Variants in RAD17 observed in about 807,000 individuals in gnomAD.
RAD17 encodes the protein RAD17 checkpoint clamp loader component, also known as cell cycle checkpoint protein RAD17.
A neutral mutation model predicts 81.5 loss-of-function variants in RAD17; 31 were observed. That is an observed-to-expected ratio of 0.38 (90% CI 0.29 to 0.51). RAD17 has a LOEUF of 0.51. RAD17 is among the 20% of genes least tolerant of loss of function. The probability of loss-of-function intolerance (pLI) is 0.88; values close to 1 mark genes in which losing one functional copy is unlikely to be tolerated. For synonymous variants in RAD17, 261 were observed against 266.2 expected (o/e 0.98, Z 0.19); for missense variants, 681 against 781.2 (o/e 0.87, Z 1.53).
chr5:69,386,570 A>G (rs1057183694), intron 11 of RAD17, 105 bp downstream of exon 11: 202 of 1,245,000 alleles, frequency 1.6e-4, no homozygotes, highest in Non-Finnish European at 2.0e-4. Flanking sequence ...TAGAATTAAA[A>G]CATTTTATTA....
chr5:69,377,706 T>A (rs1223048746), intron 6 of RAD17, among the ~76,000 whole-genome samples: 3 of 67,066 alleles, frequency 4.5e-5, no homozygotes, highest in Admixed American at 1.8e-4. Flanking sequence ...CATATATATA[T>A]GTATTGGGAA....
intron 6 of RAD17, 75 bp from the exon 7 acceptor site, chr5:69,381,826 G>A: frequency 1.9e-6 from 2 of 1,078,134 alleles, no homozygotes; most frequent in Non-Finnish European, 2.6e-6. Flanking sequence ...AATATATTTA[G>A]AATGAAAAGT....
At chr5:69,378,962 C>T (rs906756759) in intron 6 of RAD17, among the ~76,000 whole-genome samples, 3 of 152,154 alleles carry the variant, frequency 2.0e-5, no homozygotes, top group African/African-American at 7.2e-5. Flanking sequence ...AGTAAAAAGG[C>T]CGGGCTTGGT....
At chr5:69,393,961 C>T (rs1391953516) in intron 15 of RAD17, among the ~76,000 whole-genome samples, 5 of 124,438 alleles carry the variant, frequency 4.0e-5, no homozygotes, top group African/African-American at 1.5e-4. Flanking sequence ...AGCTATGTTA[C>T]CCAGTCTGGT....
intron 6 of RAD17, among the ~76,000 whole-genome samples, chr5:69,375,607 C>T (rs1479578828): frequency 7.8e-6 from 1 of 128,664 alleles, no homozygotes; most frequent in Non-Finnish European, 1.7e-5. Flanking sequence ...TTCAGTTAGA[C>T]TTTTAGATAC....
intron 17 of RAD17, among the ~76,000 whole-genome samples, chr5:69,405,575 G>A (rs1192319491): frequency 6.6e-6 from 1 of 151,954 alleles, no homozygotes. Flanking sequence ...GCCGAGGCAG[G>A]AGAATTGCTT....
chr5:69,393,960 A>T (rs1580406151), intron 15 of RAD17, among the ~76,000 whole-genome samples: 2 of 108,488 alleles, frequency 1.8e-5, no homozygotes, highest in African/African-American at 3.7e-5. Flanking sequence ...CAGCTATGTT[A>T]CCCAGTCTGG....
chr5:69,402,322 T>A (rs1302655152), intron 17 of RAD17, among the ~76,000 whole-genome samples: 1 of 151,754 alleles, frequency 6.6e-6, no homozygotes, highest in Non-Finnish European at 1.5e-5. Context: ...AAGTGCGGAA[T>A]TACAGGCGTG....
intron 16 of RAD17, among the ~76,000 whole-genome samples, chr5:69,396,894 A>C (rs1003314869): frequency 2.6e-5 from 4 of 152,136 alleles, no homozygotes; most frequent in Non-Finnish European, 5.9e-5. Flanking sequence ...ATGCAATGGC[A>C]TGATCTCGGC....
upstream of RAD17, chr5:69,369,322 G>C (rs901160778): frequency 1.4e-5 from 10 of 716,456 alleles, no homozygotes; most frequent in Admixed American, 5.4e-5. Context: ...GTCGGCTCCC[G>C]GGGCGCTGAC....
In RAD17 at chr5:69,396,548, TAA is replaced by T. The variant is rs377737971; in HGVS notation, c.1572+18_1572+19del. Reference sequence around the variant, plus strand: ...CAGTGGTTTCTAATAAATAAAAAGGTAAAAAAAAAAAAAAAAATTCTGTACTT... The same window carrying T: ...CAGTGGTTTCTAATAAATAAAAAGGTAAAAAAAAAAAAAAATTCTGTACTT... On this transcript the variant is annotated splice_donor_region_variant and intron_variant, in intron 16 of 18. Coordinates refer to ENST00000354868, the MANE Select transcript of RAD17 (RefSeq NM_133338.3). The T allele has an allele frequency of 3.9e-4, 517 of 1,340,194 alleles. No individual in the cohort carries two copies. The highest frequency in any genetic ancestry group is 1.7e-3 in the South Asian group (101 of 59,770). The allele number at this position is 1,340,194 out of a possible 1,614,324, so 83.0% of individuals were successfully genotyped here. A position where few individuals can be genotyped will look rare whatever the true frequency, so the allele number is the denominator to read the frequency against.
At chr5:69,369,702 A>T (rs765805325), upstream of RAD17, 25 of 1,552,296 alleles carry the variant, frequency 1.6e-5, no homozygotes, top group East Asian at 5.1e-4. Flanking sequence ...GAGGGTGGGC[A>T]TAACTCGGGT....
chr5:69,384,901 C>A lies in RAD17; in HGVS notation c.613C>A (p.Leu205Met). ...YNKLQMLGDDLRTDKKIILVE... is the reference protein window; with the variant it reads ...YNKLQMLGDDMRTDKKIILVE... ...CAAGTTACAAATGCTTGGAGATGAT[C>A]TGAGAACTGATAAGAAGATAATTCT... Residue 205 changes from leucine (L) to methionine (M), a missense_variant, in exon 8 of 19, where the codon CTG (leucine) becomes ATG (methionine). Physicochemically the swap from Leu to Met is conservative, Grantham distance 15 (BLOSUM62 2). Transcript: ENST00000354868. 1 of 1,609,112 alleles carries A rather than the reference C, an allele frequency of 6.2e-7. No individual in the cohort carries two copies. The highest frequency in any genetic ancestry group is 1.1e-5 in the South Asian group (1 of 90,340).
chr5:69,390,582 T>C (rs1764491069), intron 12 of RAD17, among the ~76,000 whole-genome samples: 1 of 152,208 alleles, frequency 6.6e-6, no homozygotes, highest in Admixed American at 6.5e-5. Context: ...AGAACCAGGC[T>C]GCCTGGATTC....
At chr5:69,379,698 C>T (rs551419942) in intron 6 of RAD17, among the ~76,000 whole-genome samples, 1 of 151,840 alleles carries the variant, frequency 6.6e-6, no homozygotes, top group African/African-American at 2.4e-5. Context: ...GACACAAACA[C>T]ACCAATTAGC....
intron 7 of RAD17, among the ~76,000 whole-genome samples, chr5:69,383,077 C>T (rs929927812): frequency 1.3e-5 from 2 of 152,116 alleles, no homozygotes; most frequent in African/African-American, 2.4e-5. Flanking sequence ...AGCTACCATG[C>T]GTGGCAATAG....
In RAD17 at chr5:69,384,889, C is replaced by G. The variant is rs900068563; in HGVS notation, c.601C>G (p.Leu201Val). Reference sequence around the variant, plus strand: ...GACAAAGTATAACAAGTTACAAATGCTTGGAGATGATCTGAGAACTGATAA... The same window carrying G: ...GACAAAGTATAACAAGTTACAAATGGTTGGAGATGATCTGAGAACTGATAA... The part of the protein sequence containing the change: ...RATKYNKLQM[L>V]GDDLRTDKKI... The change falls in exon 8 of 19, where the codon CTT becomes GTT. Residue 201 changes from leucine to valine, a missense_variant. Leu to Val is a conservative substitution (Grantham distance 32, BLOSUM62 1). Coordinates refer to ENST00000354868, the MANE Select transcript of RAD17 (RefSeq NM_133338.3). The G allele has an allele frequency of 1.2e-6, 2 of 1,611,782 alleles. No individual in the cohort carries two copies. The highest frequency in any genetic ancestry group is 1.7e-5 in the Admixed American group (1 of 59,870).
intron 18 of RAD17, among the ~76,000 whole-genome samples, chr5:69,412,864 G>A (rs1312975448): frequency 1.3e-5 from 2 of 151,202 alleles, no homozygotes; most frequent in Admixed American, 6.6e-5. Context: ...TGGTGCCCGC[G>A]TGTAATCCCT....
intron 17 of RAD17, among the ~76,000 whole-genome samples, chr5:69,408,506 CTTTT>C (rs913594965): frequency 2.3e-5 from 2 of 88,434 alleles, no homozygotes; most frequent in Non-Finnish European, 4.1e-5. Flanking sequence ...ACCCTAATTA[CTTTT>C]TTTTTTTTTT....
Sources: gnomAD v4.1 joint callset for allele counts (sites outside exome capture counted in the v4.1 genomes callset) on GRCh38, gnomAD v4.1.1 for gene constraint, MANE v1.5 for transcripts, NCBI Gene and HGNC (gene_info 2026-07-23, HGNC 2026-07-21) for gene names.